The following NLK variants were observed in gnomAD, a reference collection of about 807,000 sequenced individuals.
NLK encodes the protein serine/threonine-protein kinase NLK.
Under a neutral mutation model 59.0 loss-of-function variants are expected in NLK, and 11 were observed. The observed-to-expected ratio is 0.19, with a 90% CI of 0.12 to 0.31. The LOEUF (loss-of-function observed/expected upper bound fraction) is 0.31, where lower values mean the gene tolerates loss of function less well. NLK is among the 10% of genes least tolerant of loss of function. The pLI is 1.00. For synonymous variants in NLK, 235 were observed against 235.9 expected, an observed-to-expected ratio of 1.00 and a Z score of 0.03; for missense variants, 410 against 661.1, an observed-to-expected ratio of 0.62 and a Z score of 4.16.
At chr17:28,169,687 C>T (rs1011364816) in intron 6 of NLK, among the ~76,000 whole-genome samples, 1 of 150,464 alleles carries the variant, frequency 6.6e-6, no homozygotes, top group Non-Finnish European at 1.5e-5. Flanking sequence ...AGTTACTTAA[C>T]CTCTGTGTTC....
intron 1 of NLK, among the ~76,000 whole-genome samples, chr17:28,061,621 A>G (rs75131406): frequency 0.04 from 6,133 of 151,770 alleles, 383 homozygotes; most frequent in African/African-American, 0.14. Flanking sequence ...TTTATTTTGT[A>G]ACTTGAAGAT....
At chr17:28,097,603 C>T (rs1356957833) in intron 1 of NLK, among the ~76,000 whole-genome samples, 1 of 152,054 alleles carries the variant, frequency 6.6e-6, no homozygotes, top group Non-Finnish European at 1.5e-5. Context: ...AAAGCAGGCA[C>T]AATAAATTAT....
chr17:28,108,748 C>T lies in NLK; in HGVS notation c.459-13855C>T, dbSNP rs111585906. On this transcript the variant is annotated intron_variant, in intron 1 of 10. Transcript: ENST00000407008. Reference sequence around the variant, plus strand: ...AGGCCAGAAGTATTAAAATTACATGCTTACTATATTAATTACTAGATTTAA... The same window carrying T: ...AGGCCAGAAGTATTAAAATTACATGTTTACTATATTAATTACTAGATTTAA... Among the ~76,000 whole-genome samples, 998 of 152,240 alleles carry T rather than the reference C, an allele frequency of 6.6e-3. 17 individuals are homozygous for T. Among genetic ancestry groups the T allele is most frequent in the African/African-American group, 0.022 (933 of 41,540 alleles).
At chr17:28,056,529 A>G (rs1909451126) in intron 1 of NLK, among the ~76,000 whole-genome samples, 1 of 152,220 alleles carries the variant, frequency 6.6e-6, no homozygotes, top group South Asian at 2.1e-4. Context: ...ATATAAATGA[A>G]ACCAGGAACG....
At chr17:28,158,470 T>C (rs1907874350) in intron 3 of NLK, among the ~76,000 whole-genome samples, 1 of 152,208 alleles carries the variant, frequency 6.6e-6, no homozygotes, top group Non-Finnish European at 1.5e-5. Context: ...TCTGTGCTCT[T>C]AAGCTACACT....
In NLK at chr17:28,156,697, G is replaced by A. The variant is rs551290637; in HGVS notation, c.645-4463G>A. 3.3e-5 allele frequency among the ~76,000 whole-genome samples: 5 copies of A among 152,236 alleles called. No individual in the cohort carries two copies. The East Asian group carries it at 5.8e-4, about 18-fold the overall frequency. ...TAATTCCACATATTTCTAGTTAACT[G>A]GTCATTAGAGCTAGATGATTGATTA... is the stretch of plus-strand genomic sequence containing the variant. On this transcript the variant is annotated intron_variant, in intron 3 of 10. Transcript: ENST00000407008.
chr17:28,168,841 T>C (rs1908348659), intron 6 of NLK, among the ~76,000 whole-genome samples, 184 bp downstream of exon 6: 1 of 152,196 alleles, frequency 6.6e-6, no homozygotes, highest in East Asian at 1.9e-4. Context: ...TTGTAACTTA[T>C]GAGCCTTTAG....
At chr17:28,158,206 T>C (rs577319220) in intron 3 of NLK, among the ~76,000 whole-genome samples, 2 of 152,348 alleles carry the variant, frequency 1.3e-5, no homozygotes, top group South Asian at 4.1e-4. Context: ...CCTGTACAAC[T>C]GTACAACATG....
At chr17:28,159,974 T>A (rs868293599) in intron 3 of NLK, among the ~76,000 whole-genome samples, 2 of 152,160 alleles carry the variant, frequency 1.3e-5, no homozygotes, top group South Asian at 4.1e-4. Flanking sequence ...TAAGAAAGAT[T>A]TGGACAGTTT....
intron 1 of NLK, among the ~76,000 whole-genome samples, chr17:28,087,002 C>T (rs1910540751): frequency 1.3e-5 from 2 of 151,158 alleles, no homozygotes; most frequent in Admixed American, 1.3e-4. Flanking sequence ...GAGCTAAGAT[C>T]ACATCACTGC....
chr17:28,072,155 ACTT>A (rs1910024842), intron 1 of NLK, among the ~76,000 whole-genome samples: 2 of 151,814 alleles, frequency 1.3e-5, no homozygotes, highest in South Asian at 2.1e-4. Context: ...AGATGTTTTA[ACTT>A]CTTTTTTATT....
rs570558354 is a variant in NLK, at chr17:28,109,178, A to T, written c.459-13425A>T. Among the ~76,000 whole-genome samples the T allele has an allele frequency of 4.4e-5, 6 of 137,578 alleles. No homozygotes were observed. The South Asian group carries it at 1.3e-3, about 30-fold the overall frequency. 90.3% of individuals were successfully genotyped at this position (137,578 alleles called of 152,430 possible). ...ACAGCGAGACTTCGTCTCACAAAAGAAAAAAAAAAAAAAGATTTTTAAGAT... is the reference window on the plus strand; with the variant it reads ...ACAGCGAGACTTCGTCTCACAAAAGTAAAAAAAAAAAAAGATTTTTAAGAT... On this transcript the variant is annotated intron_variant, in intron 1 of 10. Transcript: ENST00000407008.
In NLK at chr17:28,042,951, TCAC is replaced by T. The variant is rs752673421; in HGVS notation, c.90_92del (p.His34del). The T allele has an allele frequency of 1.0e-5, 16 of 1,551,784 alleles. No homozygotes were observed. Among genetic ancestry groups the T allele is most frequent in the East Asian group, 2.4e-5 (1 of 41,296 alleles). On this transcript the variant is annotated inframe_deletion, in exon 1 of 11. Transcript: ENST00000407008. Reference sequence around the variant, plus strand: ...GCGGTACATCTGCAGCAGCAGCAGGTCACCACCACCACCATCACCACCACCTTC... The same window carrying T: ...GCGGTACATCTGCAGCAGCAGCAGGTCACCACCACCATCACCACCACCTTC...
intron 1 of NLK, among the ~76,000 whole-genome samples, chr17:28,087,921 ATGG>A (rs2142773775): frequency 6.6e-6 from 1 of 152,204 alleles, no homozygotes; most frequent in East Asian, 1.9e-4. Flanking sequence ...ATAGCTTAAT[ATGG>A]TGAATGAGGT....
At chr17:28,083,456 A>G (rs1910413778) in intron 1 of NLK, among the ~76,000 whole-genome samples, 1 of 152,192 alleles carries the variant, frequency 6.6e-6, no homozygotes, top group Non-Finnish European at 1.5e-5. Flanking sequence ...GTACTAGATT[A>G]CATAGATTTA....
At chr17:28,134,974 T>A (rs866907393) in intron 3 of NLK, among the ~76,000 whole-genome samples, 1 of 152,186 alleles carries the variant, frequency 6.6e-6, no homozygotes, top group African/African-American at 2.4e-5. Flanking sequence ...TGGGTCTTCA[T>A]TGAAGAAAAG....
intron 1 of NLK, among the ~76,000 whole-genome samples, chr17:28,049,627 G>A (rs1567699033): frequency 6.6e-6 from 1 of 152,164 alleles, no homozygotes; most frequent in East Asian, 1.9e-4. Flanking sequence ...CTCTCAGGGT[G>A]TCCTCAGCCT....
At chr17:28,080,557 T>C (rs910050446) in intron 1 of NLK, among the ~76,000 whole-genome samples, 2 of 152,174 alleles carry the variant, frequency 1.3e-5, no homozygotes, top group African/African-American at 4.8e-5. Context: ...AAATTGTGGT[T>C]ATTATTGGTA....
At chr17:28,111,189 G>A (rs937209729) in intron 1 of NLK, among the ~76,000 whole-genome samples, 3 of 151,406 alleles carry the variant, frequency 2.0e-5, no homozygotes, top group Admixed American at 6.6e-5. Context: ...CTGTTTGTTC[G>A]TTTGTTTGTT....
Sources: allele counts gnomAD v4.1 joint callset (sites outside exome capture counted in the v4.1 genomes callset), GRCh38; gene constraint gnomAD v4.1.1; transcripts MANE v1.5; gene names NCBI Gene and HGNC (gene_info 2026-07-23, HGNC 2026-07-21).